CLEC16A: variants seen among roughly 807,000 people sequenced by gnomAD.
CLEC16A encodes protein CLEC16A.
Under a neutral mutation model 109.5 loss-of-function variants are expected in CLEC16A, and 51 were observed. The observed-to-expected ratio is 0.47, with a 90% CI of 0.37 to 0.59. CLEC16A has a LOEUF of 0.59. Ranked by LOEUF, CLEC16A falls within the 20% of genes least tolerant of loss-of-function variation. CLEC16A has a pLI of 0.00. For synonymous variants in CLEC16A, 673 were observed against 564.2 expected, an observed-to-expected ratio of 1.19 and a Z score of -2.73; for missense variants, 1,339 against 1,394.0, an observed-to-expected ratio of 0.96 and a Z score of 0.63.
At chr16:10,948,887 G>C (rs1158840736) in intron 1 of CLEC16A, among the ~76,000 whole-genome samples, 2 of 152,208 alleles carry the variant, frequency 1.3e-5, no homozygotes, top group Non-Finnish European at 2.9e-5. Context: ...AGGAAAAAGA[G>C]AGCTTCTTTT....
chr16:11,157,384 C>A, intron 22 of CLEC16A: 1 of 217,308 alleles, frequency 4.6e-6, no homozygotes, highest in Non-Finnish European at 7.8e-6. Flanking sequence ...AGCACCAGTG[C>A]ACAGGAAGAA....
At position 11,024,916 on chromosome 16, in the gene CLEC16A, A is replaced by G. The variant is rs1482760435; in HGVS notation, c.1532A>G (p.Asn511Ser). 1.2e-6 allele frequency: 2 copies of G among 1,605,144 alleles called. No individual in the cohort carries two copies. Among genetic ancestry groups the G allele is most frequent in the African/African-American group, 2.7e-5 (2 of 74,762 alleles). The part of the protein sequence containing the change: ...VLCLLYAMSH[N>S]KGMDPEKLER... ...TGCCTCCTCTATGCCATGTCTCATA[A>G]TAAAGGTAAGCACCCTTGCCTTGCC... Residue 511 changes from asparagine to serine, a missense_variant, in exon 13 of 24, where the codon AAT becomes AGT. By Grantham distance (46) the Asn-to-Ser change is conservative. Around this residue, in one of 3 missense-constraint regions of CLEC16A, gnomAD observed 1,061 missense variants for 1,006.8 expected, o/e 1.05. Coordinates refer to ENST00000409790, the MANE Select transcript of CLEC16A (RefSeq NM_015226.3).
intron 3 of CLEC16A, among the ~76,000 whole-genome samples, chr16:10,963,682 C>A (rs1327430846): frequency 6.6e-6 from 1 of 152,198 alleles, no homozygotes; most frequent in Admixed American, 6.5e-5. Flanking sequence ...GTAATAACCA[C>A]CCCTGAGAGG....
At chr16:10,950,165 G>T (rs780719650) in intron 1 of CLEC16A, among the ~76,000 whole-genome samples, 1 of 152,184 alleles carries the variant, frequency 6.6e-6, no homozygotes, top group Non-Finnish European at 1.5e-5. Context: ...CAGGAAGCTG[G>T]CCGGGGTTCC....
At chr16:10,949,795 G>A (rs1315154926) in intron 1 of CLEC16A, among the ~76,000 whole-genome samples, 2 of 152,224 alleles carry the variant, frequency 1.3e-5, no homozygotes, top group African/African-American at 4.8e-5. Flanking sequence ...GGGGCGGGGA[G>A]CAGGGGCTCT....
rs1338688063 is a variant in CLEC16A, at chr16:10,946,912, C to T, written c.80+2115C>T. Among the ~76,000 whole-genome samples, 10 of 152,334 alleles carry T rather than the reference C, an allele frequency of 6.6e-5. 1 individual carries two copies. Among genetic ancestry groups the T allele is most frequent in the Admixed American group, 4.6e-4 (7 of 15,302 alleles). ...GGTACCAGAGGCAGGATTTGACTCC[C>T]GAGCTTGTGCTCATTATACTGTCTT... is the stretch of plus-strand genomic sequence containing the variant. On this transcript the variant is annotated intron_variant, in intron 1 of 23. Transcript: ENST00000409790.
At chr16:11,013,738 G>A (rs2045577611) in intron 11 of CLEC16A, among the ~76,000 whole-genome samples, 1 of 151,844 alleles carries the variant, frequency 6.6e-6, no homozygotes, top group Admixed American at 6.6e-5. Flanking sequence ...CAGCCTAGGC[G>A]ATGGAGTGAG....
At chr16:10,962,788 G>T (rs557818834) in intron 3 of CLEC16A, among the ~76,000 whole-genome samples, 200 bp downstream of exon 3, 27 of 152,254 alleles carry the variant, frequency 1.8e-4, no homozygotes, top group African/African-American at 5.8e-4. Context: ...GCCAGGCATG[G>T]TATCTCATCC....
chr16:10,988,368 A>G (rs1303974442), intron 10 of CLEC16A, among the ~76,000 whole-genome samples: 1 of 152,064 alleles, frequency 6.6e-6, no homozygotes, highest in Non-Finnish European at 1.5e-5. Flanking sequence ...GTGCACTGGA[A>G]CGACCTGACC....
At chr16:11,049,444 C>T (rs1373677161) in intron 17 of CLEC16A, among the ~76,000 whole-genome samples, 1 of 151,992 alleles carries the variant, frequency 6.6e-6, no homozygotes, top group East Asian at 1.9e-4. Flanking sequence ...CAAATACTTC[C>T]TCCCCCTCCC....
At chr16:11,052,613 G>A (rs572784062) in intron 18 of CLEC16A, among the ~76,000 whole-genome samples, 60 of 152,222 alleles carry the variant, frequency 3.9e-4, no homozygotes, top group Non-Finnish European at 7.4e-4. Flanking sequence ...GCCCACTGAC[G>A]CCTTCCTTCC....
rs556969838 is a variant in CLEC16A at position 11,123,441 on chromosome 16, G to A, written c.2269-301G>A. 3.2e-4 allele frequency among the ~76,000 whole-genome samples: 49 copies of A among 152,216 alleles called. No individual in the cohort carries two copies. In the South Asian group the frequency reaches 0.01, roughly 32 times the overall value. Reference sequence around the variant, plus strand: ...CCTGTGGCCCCTTGAAGAGGCTTGTGGGGGTACGCTGTTATTCATGAGCTG... The same window carrying A: ...CCTGTGGCCCCTTGAAGAGGCTTGTAGGGGTACGCTGTTATTCATGAGCTG... On this transcript the variant is annotated intron_variant, in intron 20 of 23. Transcript: ENST00000409790.
chr16:11,101,451 T>C (rs1009081071), intron 19 of CLEC16A, among the ~76,000 whole-genome samples: 1 of 152,212 alleles, frequency 6.6e-6, no homozygotes, highest in African/African-American at 2.4e-5. Flanking sequence ...TCCCTGCATG[T>C]CCTTGACTGT....
In CLEC16A at chr16:11,180,141, C is replaced by T. The variant is rs1489617007; in HGVS notation, c.*1451C>T. On this transcript the variant is annotated 3_prime_UTR_variant, in exon 24 of 24. Coordinates refer to ENST00000409790, the MANE Select transcript of CLEC16A (RefSeq NM_015226.3). ...CCATAGGGTAGTCTCGGGAGCCGCG[C>T]TGAGATCTTTTGCCACCTGCATTTT... 1 of 152,324 alleles carries T rather than the reference C, an allele frequency of 6.6e-6. No individual in the cohort carries two copies. Among genetic ancestry groups the T allele is most frequent in the Non-Finnish European group, 1.5e-5 (1 of 68,098 alleles). 9.4% of individuals were successfully genotyped at this position (152,324 alleles called of 1,614,324 possible).
At chr16:11,038,860 T>C (rs1309653603) in intron 13 of CLEC16A, among the ~76,000 whole-genome samples, 1 of 152,152 alleles carries the variant, frequency 6.6e-6, no homozygotes, top group African/African-American at 2.4e-5. Context: ...AGGCTTAGCT[T>C]AGTGTCTTTC....
chr16:10,991,799 G>T (rs1034460794), intron 10 of CLEC16A, among the ~76,000 whole-genome samples: 1 of 152,338 alleles, frequency 6.6e-6, no homozygotes, highest in East Asian at 1.9e-4. Context: ...GGGATGCTTT[G>T]CCTGATGGGA....
intron 11 of CLEC16A, among the ~76,000 whole-genome samples, chr16:11,005,560 C>T (rs895807521): frequency 2.6e-5 from 4 of 152,198 alleles, no homozygotes; most frequent in African/African-American, 9.7e-5. Context: ...CATTTTGTCA[C>T]TCAGCTCACC....
chr16:10,953,136 T>C (rs1308905307), intron 1 of CLEC16A, among the ~76,000 whole-genome samples: 3 of 152,260 alleles, frequency 2.0e-5, no homozygotes, highest in African/African-American at 7.2e-5. Flanking sequence ...CAAGATTTAC[T>C]GTAAAACTGC....
At position 11,060,993 on chromosome 16, in the gene CLEC16A, TG is replaced by T; in HGVS notation, c.2088del (p.Ile697SerfsTer9). On this transcript the variant is annotated frameshift_variant, in exon 19 of 24. Transcript: ENST00000409790. LOFTEE classifies it high-confidence loss of function. ...TTGCCGCTGACTCGGGAGGAGGACC[TG>T]ATCAAGACTGATGATGTCCTGGATC... ...TQLPLTREED[L>X]IKTDDVLDLN... 6.2e-7 allele frequency: 1 copy of T among 1,611,246 alleles called. No homozygotes were observed. The highest frequency in any genetic ancestry group is 8.5e-7 in the Non-Finnish European group (1 of 1,179,238).
Sources: allele counts gnomAD v4.1 joint callset (sites outside exome capture counted in the v4.1 genomes callset), GRCh38; gene constraint gnomAD v4.1.1; regional missense constraint gnomAD v4.1.1; transcripts MANE v1.5; gene names NCBI Gene and HGNC (gene_info 2026-07-23, HGNC 2026-07-21).